Variants in KCNQ3 observed in about 807,000 individuals in gnomAD.
The protein encoded by KCNQ3 is potassium voltage-gated channel subfamily Q member 3.
KCNQ3 carries 30 observed loss-of-function variants against 92.5 expected under a neutral mutation model. The ratio of observed to expected loss-of-function variants is 0.32; its 90% CI spans 0.24 to 0.44. The LOEUF is 0.44. Among genes scored for constraint, KCNQ3 ranks in the 20% least tolerant of loss-of-function variants. The probability of loss-of-function intolerance (pLI) is 1.00; values close to 1 mark genes in which losing one functional copy is unlikely to be tolerated. For missense variants in KCNQ3, 913 were observed against 1,140.3 expected (o/e 0.80, Z 2.87); for synonymous variants, 450 against 468.8 (o/e 0.96, Z 0.52).
intron 9 of KCNQ3, among the ~76,000 whole-genome samples, chr8:132,150,783 A>T (rs759690162): frequency 9.9e-5 from 15 of 151,978 alleles, no homozygotes; most frequent in Non-Finnish European, 2.2e-4. Flanking sequence ...CAAACAAAAG[A>T]TCTTATGGGG....
intron 1 of KCNQ3, among the ~76,000 whole-genome samples, chr8:132,433,812 C>A (rs980743992): frequency 6.6e-6 from 1 of 152,156 alleles, no homozygotes. Context: ...ATCACTTGAA[C>A]CCAGGAGGCG....
intron 1 of KCNQ3, 41 bp from the exon 2 acceptor site, chr8:132,186,222 C>G (rs761603056): frequency 6.8e-7 from 1 of 1,463,848 alleles, no homozygotes; most frequent in East Asian, 2.3e-5. Flanking sequence ...ACCTTTGAGT[C>G]ATGGCTTGCT....
At position 132,129,911 on chromosome 8, in the gene KCNQ3, T is replaced by C. The variant is rs752099485; in HGVS notation, c.1970A>G (p.Tyr657Cys). Residue 657 changes from tyrosine to cysteine, a missense_variant, in exon 15 of 15, where the codon TAT becomes TGT. Physicochemically the swap from Tyr to Cys is radical, Grantham distance 194. This residue lies in a region of KCNQ3 where 375 missense variants were observed against 376.4 expected (regional missense o/e 1.00). Coordinates refer to ENST00000388996, the MANE Select transcript of KCNQ3 (RefSeq NM_004519.4). The surrounding 1 kb of genome is among the most constrained non-coding windows in gnomAD (Gnocchi z 5.9). ...CGAGGAGGTGCCCTTGGTTGGGTAA[T>C]ACTCCGTGACCTGCACCTGCAACCG... ...MERLQVQVTE[Y>C]YPTKGTSSPA... The C allele has an allele frequency of 2.5e-6, 4 of 1,614,026 alleles. No homozygotes were observed. In the East Asian group the frequency reaches 8.9e-5, roughly 36 times the overall value.
chr8:132,375,260 T>C (rs1245257208), intron 1 of KCNQ3, among the ~76,000 whole-genome samples: 1 of 152,218 alleles, frequency 6.6e-6, no homozygotes, highest in African/African-American at 2.4e-5. Context: ...ATTAAACTTA[T>C]TACCTGTTTG....
At chr8:132,156,576 T>C (rs1363355776) in intron 9 of KCNQ3, among the ~76,000 whole-genome samples, 1 of 152,084 alleles carries the variant, frequency 6.6e-6, no homozygotes, top group Non-Finnish European at 1.5e-5. Flanking sequence ...GTATCCCCAG[T>C]GGTGTAGGGG....
At chr8:132,480,042 A>G in intron 1 of KCNQ3, 105 bp downstream of exon 1, 1 of 1,125,244 alleles carries the variant, frequency 8.9e-7, no homozygotes, top group Non-Finnish European at 1.3e-6. Flanking sequence ...TCAGCGGGAA[A>G]GCATCCATGG....
intron 9 of KCNQ3, among the ~76,000 whole-genome samples, chr8:132,152,647 A>T (rs1825675110): frequency 6.6e-6 from 1 of 152,182 alleles, no homozygotes; most frequent in Admixed American, 6.5e-5. Flanking sequence ...AACTGGCCTC[A>T]TACCTTTGCC....
At chr8:132,392,423 C>T (rs751019382) in intron 1 of KCNQ3, among the ~76,000 whole-genome samples, 6 of 152,136 alleles carry the variant, frequency 3.9e-5, no homozygotes, top group Admixed American at 6.5e-5. Context: ...CACCAGCATC[C>T]TTGCTGTTCC....
intron 1 of KCNQ3, among the ~76,000 whole-genome samples, chr8:132,249,098 G>A (rs150940172): frequency 0.011 from 1,716 of 152,242 alleles, 37 homozygotes; most frequent in African/African-American, 0.038. Context: ...AGACCTTTGC[G>A]GTGAGTGTTA....
chr8:132,480,126 C>A, intron 1 of KCNQ3, 21 bp downstream of exon 1: 1 of 1,607,246 alleles, frequency 6.2e-7, no homozygotes, highest in Non-Finnish European at 8.5e-7. Flanking sequence ...CCGAGGGCGC[C>A]CCGAGCGGCC....
intron 1 of KCNQ3, among the ~76,000 whole-genome samples, chr8:132,306,416 C>T (rs1340389406): frequency 6.6e-6 from 1 of 152,218 alleles, no homozygotes; most frequent in Non-Finnish European, 1.5e-5. Context: ...GATCATCCAT[C>T]TCTGGCTTCA....
At chr8:132,194,918 C>T (rs982564882) in intron 1 of KCNQ3, among the ~76,000 whole-genome samples, 2 of 152,238 alleles carry the variant, frequency 1.3e-5, no homozygotes, top group African/African-American at 4.8e-5. Context: ...CTGCTACATC[C>T]TCCACTGTGC....
chr8:132,252,177 T>A (rs1379344563), intron 1 of KCNQ3, among the ~76,000 whole-genome samples: 2 of 152,124 alleles, frequency 1.3e-5, no homozygotes, highest in East Asian at 3.9e-4. Flanking sequence ...ATTGGTTCCT[T>A]CTGGTCGGTT....
intron 9 of KCNQ3, among the ~76,000 whole-genome samples, chr8:132,159,310 A>C (rs997552014): frequency 5.3e-5 from 8 of 152,160 alleles, no homozygotes; most frequent in African/African-American, 1.9e-4. Flanking sequence ...TTCTTTGAGG[A>C]AAAAAGGGCC....
Position 132,424,265 on chromosome 8 carries a change from C to A in KCNQ3, c.386+55882G>T, listed in dbSNP as rs79132487. Among the ~76,000 whole-genome samples, 258 of 152,200 alleles carry A rather than the reference C, an allele frequency of 1.7e-3. 1 individual carries two copies. Among genetic ancestry groups the A allele is most frequent in the African/African-American group, 6.0e-3 (248 of 41,546 alleles). ...CCACAGAATAGACGTGCCCCCCACC[C>A]CAGCCCTTCCTCCCTCTGTCTCACT... is the stretch of plus-strand genomic sequence containing the variant. On this transcript the variant is annotated intron_variant, in intron 1 of 14. Transcript: ENST00000388996.
chr8:132,415,896 C>A (rs1044012861), intron 1 of KCNQ3, among the ~76,000 whole-genome samples: 1 of 152,148 alleles, frequency 6.6e-6, no homozygotes. Context: ...TAATCATGAA[C>A]AAAATATTGA....
At chr8:132,296,168 A>T (rs191288462) in intron 1 of KCNQ3, among the ~76,000 whole-genome samples, 2 of 152,348 alleles carry the variant, frequency 1.3e-5, no homozygotes, top group East Asian at 3.9e-4. Context: ...ATTGCGTACC[A>T]TATTGGGCAG....
chr8:132,429,861 C>CAAAA (rs374921143), intron 1 of KCNQ3, among the ~76,000 whole-genome samples: 15 of 64,082 alleles, frequency 2.3e-4, no homozygotes, highest in African/African-American at 7.0e-4. Flanking sequence ...AACTCCTTCT[C>CAAAA]AAAAAAAAAA....
intron 1 of KCNQ3, among the ~76,000 whole-genome samples, chr8:132,292,971 C>T (rs7832474): frequency 0.026 from 3,917 of 151,658 alleles, 186 homozygotes; most frequent in African/African-American, 0.089. Context: ...TGTCCAATCA[C>T]ATTTCCACAG....
Sources: gnomAD v4.1 joint callset for allele counts (sites outside exome capture counted in the v4.1 genomes callset) on GRCh38, gnomAD v4.1.1 for gene constraint, gnomAD v4.1.1 regional missense constraint, Gnocchi (gnomAD v3.1) non-coding constraint, MANE v1.5 for transcripts, NCBI Gene and HGNC (gene_info 2026-07-23, HGNC 2026-07-21) for gene names.